MGAT5: variants seen among roughly 807,000 people sequenced by gnomAD.
MGAT5 encodes alpha-1,6-mannosylglycoprotein 6-beta-N-acetylglucosaminyltransferase A.
In MGAT5, 30 loss-of-function variants were observed where a neutral mutation model predicts 94.3. The ratio of observed to expected loss-of-function variants is 0.32; its 90% CI spans 0.24 to 0.43. The LOEUF (loss-of-function observed/expected upper bound fraction) is 0.43, where lower values mean the gene tolerates loss of function less well. Among genes scored for constraint, MGAT5 ranks in the 20% least tolerant of loss-of-function variants. The pLI, the probability that MGAT5 is intolerant of heterozygous loss-of-function variation, is 1.00. For missense variants in MGAT5, 691 were observed against 905.5 expected, an observed-to-expected ratio of 0.76 and a Z score of 3.04; for synonymous variants, 310 against 322.9, an observed-to-expected ratio of 0.96 and a Z score of 0.43.
chr2:134,299,537 T>G (rs1573738495), intron 2 of MGAT5, among the ~76,000 whole-genome samples: 1 of 152,150 alleles, frequency 6.6e-6, no homozygotes, highest in African/African-American at 2.4e-5. Flanking sequence ...TTTTGTTTTT[T>G]AAAATGCAGT....
chr2:134,233,650 C>A (rs900972274), intron 1 of MGAT5, among the ~76,000 whole-genome samples: 1 of 152,174 alleles, frequency 6.6e-6, no homozygotes, highest in African/African-American at 2.4e-5. Context: ...TCACAGAGGC[C>A]TCTGGGGCTC....
intron 1 of MGAT5, among the ~76,000 whole-genome samples, chr2:134,216,726 T>C (rs1053742446): frequency 1.3e-5 from 2 of 152,244 alleles, no homozygotes; most frequent in Non-Finnish European, 2.9e-5. Flanking sequence ...ATTTTTATGC[T>C]GCTACTTTTG....
In MGAT5 at chr2:134,379,230, CT is replaced by C. The variant is rs200189163; in HGVS notation, c.1380+16824del. Among the ~76,000 whole-genome samples, 805 of 152,272 alleles carry C rather than the reference CT, an allele frequency of 5.3e-3. 9 individuals carry two copies. The highest frequency in any genetic ancestry group is 0.018 in the African/African-American group (765 of 41,558). The stretch of plus-strand genomic sequence containing the variant: ...CAGTTTCTAAATATTTTCTTAGTCC[CT>C]TGCAGAAACGTGTGTACTTTTGTTC... On this transcript the variant is annotated intron_variant, in intron 10 of 15. Coordinates refer to ENST00000281923, the MANE Select transcript of MGAT5 (RefSeq NM_002410.5).
At chr2:134,326,038 T>TTCTC (rs61556184) in intron 4 of MGAT5, among the ~76,000 whole-genome samples, 79,192 of 135,272 alleles carry the variant, frequency 0.59, 24,189 homozygotes, top group Non-Finnish European at 0.7. Context: ...TGATTTCTCT[T>TTCTC]TCTCTCTCTC....
intron 14 of MGAT5, among the ~76,000 whole-genome samples, chr2:134,437,264 A>G (rs1685214272): frequency 6.6e-6 from 1 of 152,214 alleles, no homozygotes; most frequent in Non-Finnish European, 1.5e-5. Flanking sequence ...TGCTGGGATT[A>G]CAGGCATGAG....
At chr2:134,304,014 ATCTGTGGGAAGATTGT>A (rs950880400) in intron 2 of MGAT5, among the ~76,000 whole-genome samples, 64 of 152,278 alleles carry the variant, frequency 4.2e-4, no homozygotes, top group African/African-American at 1.3e-3. Context: ...TGTAAGTGTT[ATCTGTGGGAAGATTGT>A]TCCAATACAA....
chr2:134,131,260 G>C (rs1686149223), intron 1 of MGAT5, among the ~76,000 whole-genome samples: 1 of 152,138 alleles, frequency 6.6e-6, no homozygotes, highest in African/African-American at 2.4e-5. Flanking sequence ...TCACCGCGAG[G>C]GTCCGCGGCT....
intron 2 of MGAT5, among the ~76,000 whole-genome samples, chr2:134,278,492 C>T (rs1323556804): frequency 6.6e-6 from 1 of 152,132 alleles, no homozygotes. Flanking sequence ...ATTGGCTAGG[C>T]CTGGGTCACA....
chr2:134,430,677 A>T (rs3791321), intron 14 of MGAT5, among the ~76,000 whole-genome samples: 6,192 of 123,600 alleles, frequency 0.05, 172 homozygotes, highest in East Asian at 0.14. Context: ...CACCCCCACC[A>T]TATAGGCCTT....
At chr2:134,446,401 T>G (rs1253453132) in intron 15 of MGAT5, among the ~76,000 whole-genome samples, 1 of 151,780 alleles carries the variant, frequency 6.6e-6, no homozygotes, top group Non-Finnish European at 1.5e-5. Context: ...CGGCAGATGG[T>G]TTAAGTAAAG....
intron 2 of MGAT5, among the ~76,000 whole-genome samples, chr2:134,316,772 A>G (rs374447373): frequency 4.5e-4 from 69 of 152,264 alleles, no homozygotes; most frequent in Middle Eastern, 6.8e-3. Context: ...ACAATAATAC[A>G]TGGTTTTAAA....
chr2:134,347,165 G>A (rs78107007), intron 8 of MGAT5, among the ~76,000 whole-genome samples: 1 of 152,298 alleles, frequency 6.6e-6, no homozygotes, highest in East Asian at 1.9e-4. Flanking sequence ...GGATGTGATT[G>A]AAGAAGGAAA....
At chr2:134,405,101 C>T (rs1683257883) in intron 11 of MGAT5, among the ~76,000 whole-genome samples, 1 of 152,186 alleles carries the variant, frequency 6.6e-6, no homozygotes, top group South Asian at 2.1e-4. Flanking sequence ...TTTGAAAGAA[C>T]CCTTACTTAC....
chr2:134,350,477 A>C (rs1679312093), intron 9 of MGAT5, among the ~76,000 whole-genome samples: 1 of 152,098 alleles, frequency 6.6e-6, no homozygotes, highest in South Asian at 2.1e-4. Flanking sequence ...TCTCTTGCTG[A>C]CTTGGTATCA....
exon 1 of MGAT5, chr2:134,120,224 G>C: frequency 2.8e-6 from 1 of 352,290 alleles, no homozygotes; most frequent in Non-Finnish European, 5.1e-6. Flanking sequence ...TCGCGACCTC[G>C]CGCCTCGGGC....
chr2:134,164,529 G>A (rs1687876618), intron 1 of MGAT5, among the ~76,000 whole-genome samples: 1 of 152,038 alleles, frequency 6.6e-6, no homozygotes, highest in Non-Finnish European at 1.5e-5. Context: ...GCTTGCTCTT[G>A]GGTGCTTCCT....
intron 10 of MGAT5, among the ~76,000 whole-genome samples, chr2:134,374,389 T>C (rs1488495280): frequency 6.6e-6 from 1 of 152,196 alleles, no homozygotes; most frequent in Non-Finnish European, 1.5e-5. Flanking sequence ...CCTTGAAACA[T>C]AGGCCCTGCA....
chr2:134,296,543 G>A (rs543237540), intron 2 of MGAT5, among the ~76,000 whole-genome samples: 1 of 151,628 alleles, frequency 6.6e-6, no homozygotes, highest in East Asian at 1.9e-4. Context: ...TTTCACCCCA[G>A]GAATTAATTA....
chr2:134,297,938 G>A (rs962356473), intron 2 of MGAT5, among the ~76,000 whole-genome samples: 1 of 151,778 alleles, frequency 6.6e-6, no homozygotes, highest in Non-Finnish European at 1.5e-5. Context: ...AACAAATATA[G>A]GTTAAAAAAA....
Sources: gnomAD v4.1 joint callset for allele counts (sites outside exome capture counted in the v4.1 genomes callset) on GRCh38, gnomAD v4.1.1 for gene constraint, MANE v1.5 for transcripts, NCBI Gene and HGNC (gene_info 2026-07-23, HGNC 2026-07-21) for gene names.